PALM2AKAP2: variants seen among roughly 807,000 people sequenced by gnomAD.
PALM2AKAP2 encodes the protein PALM2 and AKAP2 fusion.
In PALM2AKAP2, 37 loss-of-function variants were observed where a neutral mutation model predicts 71.5. That is an observed-to-expected ratio of 0.52 (90% CI 0.40 to 0.68). The LOEUF (loss-of-function observed/expected upper bound fraction) is 0.68, where lower values mean the gene tolerates loss of function less well. Among genes scored for constraint, PALM2AKAP2 ranks in the 30% least tolerant of loss-of-function variants. The pLI, the probability that PALM2AKAP2 is intolerant of heterozygous loss-of-function variation, is 0.00. For synonymous variants in PALM2AKAP2, 468 were observed against 478.8 expected, an observed-to-expected ratio of 0.98 and a Z score of 0.29; for missense variants, 1,224 against 1,191.8, an observed-to-expected ratio of 1.03 and a Z score of -0.40.
intron 1 of PALM2AKAP2, among the ~76,000 whole-genome samples, chr9:109,748,134 G>A (rs1243641114): frequency 6.6e-6 from 1 of 152,192 alleles, no homozygotes; most frequent in Non-Finnish European, 1.5e-5. Context: ...ATACTTAGTT[G>A]ATTAACCACT....
rs186608425 is a variant in PALM2AKAP2, at chr9:110,061,024, C to T, written c.156+12169C>T. Among the ~76,000 whole-genome samples the T allele has an allele frequency of 1.3e-3, 194 of 152,258 alleles. 4 individuals are homozygous for T. The highest frequency in any genetic ancestry group is 4.3e-3 in the African/African-American group (177 of 41,540). On this transcript the variant is annotated intron_variant, in intron 1 of 3. Transcript: ENST00000374525. ...TCTTCTTCCTTAGAGACCTTTGTCC[C>T]GTTAAGGTAACCTCCTCTCCCAGCC...
At chr9:109,673,358 T>G (rs1437239386) in intron 1 of PALM2AKAP2, among the ~76,000 whole-genome samples, 1 of 152,122 alleles carries the variant, frequency 6.6e-6, no homozygotes, top group African/African-American at 2.4e-5. Flanking sequence ...ATTTCATTAT[T>G]TACCCAAAAG....
chr9:109,683,684 C>T (rs1469773206), intron 1 of PALM2AKAP2, among the ~76,000 whole-genome samples: 1 of 152,138 alleles, frequency 6.6e-6, no homozygotes, highest in Non-Finnish European at 1.5e-5. Context: ...GGACTGGGCA[C>T]TGTAGAGGCC....
intron 3 of PALM2AKAP2, among the ~76,000 whole-genome samples, chr9:109,914,426 A>C (rs1830640095): frequency 1.3e-5 from 2 of 152,232 alleles, no homozygotes; most frequent in African/African-American, 4.8e-5. Context: ...GCTCAGCCAC[A>C]GGAATGACAT....
intron 1 of PALM2AKAP2, among the ~76,000 whole-genome samples, chr9:109,660,525 C>A (rs1827376745): frequency 6.6e-6 from 1 of 151,726 alleles, no homozygotes; most frequent in South Asian, 2.1e-4. Flanking sequence ...AGGACATGAA[C>A]TCATCCTTTT....
rs112020518 is a variant in PALM2AKAP2 at position 109,834,559 on chromosome 9, T to C, written c.46-32932T>C. On this transcript the variant is annotated intron_variant, in intron 1 of 9. Transcript: ENST00000302798. ...GTGTGAGGACCTTGGGGGATTGCCT[T>C]GGAAAATACAGGGTCCAGCCCAAGG... Among the ~76,000 whole-genome samples, 393 of 152,106 alleles carry C rather than the reference T, an allele frequency of 2.6e-3. 1 individual carries two copies. Among genetic ancestry groups the C allele is most frequent in the African/African-American group, 9.2e-3 (380 of 41,486 alleles).
chr9:109,874,525 T>A (rs1408192265), intron 2 of PALM2AKAP2, among the ~76,000 whole-genome samples: 1 of 152,196 alleles, frequency 6.6e-6, no homozygotes, highest in Non-Finnish European at 1.5e-5. Context: ...AAGAGTTCTA[T>A]AAGAATTATC....
At chr9:109,835,398 G>T (rs1053087266) in intron 1 of PALM2AKAP2, among the ~76,000 whole-genome samples, 7 of 145,624 alleles carry the variant, frequency 4.8e-5, no homozygotes, top group African/African-American at 1.7e-4. Flanking sequence ...GAGGGTGGGG[G>T]CGGTTCCAAG....
At chr9:110,013,696 A>G (rs1371581097) in intron 6 of PALM2AKAP2, among the ~76,000 whole-genome samples, 1 of 152,232 alleles carries the variant, frequency 6.6e-6, no homozygotes, top group African/African-American at 2.4e-5. Context: ...TTCATTGTGC[A>G]TATATCCTAT....
chr9:109,665,764 G>T (rs1827472783), intron 1 of PALM2AKAP2, among the ~76,000 whole-genome samples: 1 of 152,232 alleles, frequency 6.6e-6, no homozygotes, highest in Non-Finnish European at 1.5e-5. Flanking sequence ...GAAGTTGTCT[G>T]CTGCCTTTTG....
At chr9:110,009,268 T>C (rs1832835339) in intron 6 of PALM2AKAP2, among the ~76,000 whole-genome samples, 1 of 152,166 alleles carries the variant, frequency 6.6e-6, no homozygotes, top group Non-Finnish European at 1.5e-5. Context: ...ATTTTACTTT[T>C]ACTTTTATTT....
intron 6 of PALM2AKAP2, chr9:109,943,040 A>G (rs745408538): frequency 1.0e-4 from 164 of 1,614,046 alleles, no homozygotes; most frequent in Non-Finnish European, 1.4e-4. Context: ...TCTAGGAAAG[A>G]CCATTCTTCC....
chr9:110,018,219 G>T (rs1833016123), intron 7 of PALM2AKAP2, among the ~76,000 whole-genome samples: 2 of 152,150 alleles, frequency 1.3e-5, no homozygotes, highest in South Asian at 2.1e-4. Context: ...CACAAGAAAA[G>T]ATTTCTTTTA....
In PALM2AKAP2 at chr9:110,041,993, G is replaced by A. The variant is rs960580205; in HGVS notation, c.582+25954G>A. Among the ~76,000 whole-genome samples, 8 of 152,180 alleles carry A rather than the reference G, an allele frequency of 5.3e-5. 1 individual carries two copies. Among genetic ancestry groups the A allele is most frequent in the Admixed American group, 3.9e-4 (6 of 15,278 alleles). On this transcript the variant is annotated intron_variant, in intron 7 of 9. Coordinates refer to the PALM2AKAP2 transcript ENST00000302798. ...TAAAAGCTGACCACCTTATCTTAGG[G>A]AGAGGTCAACCCCTTGGAGAAGAGA...
At chr9:109,992,344 G>A (rs530764749) in intron 6 of PALM2AKAP2, among the ~76,000 whole-genome samples, 2 of 152,294 alleles carry the variant, frequency 1.3e-5, no homozygotes, top group Non-Finnish European at 2.9e-5. Flanking sequence ...GGCTACATCT[G>A]CAAAGATCCT....
chr9:110,032,735 T>TAAAA (rs1287976493), intron 7 of PALM2AKAP2, among the ~76,000 whole-genome samples: 6 of 85,868 alleles, frequency 7.0e-5, no homozygotes, highest in African/African-American at 2.5e-4. Context: ...AATAAATAAA[T>TAAAA]AAATAAAATA....
exon 4 of PALM2AKAP2, chr9:110,169,776 C>G (rs1405310791): frequency 1.3e-5 from 2 of 150,984 alleles, no homozygotes; most frequent in East Asian, 3.9e-4. Context: ...GTGTGTACAC[C>G]ATTGTGTGTT....
At chr9:109,740,452 A>T (rs1415018824) in intron 1 of PALM2AKAP2, among the ~76,000 whole-genome samples, 1 of 152,162 alleles carries the variant, frequency 6.6e-6, no homozygotes, top group African/African-American at 2.4e-5. Context: ...GGGAAGAAAC[A>T]AGCCATGTAG....
At chr9:109,723,324 A>G (rs1043369931) in intron 1 of PALM2AKAP2, among the ~76,000 whole-genome samples, 2 of 152,168 alleles carry the variant, frequency 1.3e-5, no homozygotes, top group Non-Finnish European at 2.9e-5. Flanking sequence ...CACCGACCTT[A>G]TGTAGCCATA....
Sources: gnomAD v4.1 joint callset for allele counts (sites outside exome capture counted in the v4.1 genomes callset) on GRCh38, gnomAD v4.1.1 for gene constraint, MANE v1.5 for transcripts, NCBI Gene and HGNC (gene_info 2026-07-23, HGNC 2026-07-21) for gene names.